The following FMNL3 variants were observed in gnomAD, a reference collection of about 807,000 sequenced individuals.
FMNL3 encodes the protein formin-like protein 3.
Under a neutral mutation model 119.6 loss-of-function variants are expected in FMNL3, and 57 were observed. That is an observed-to-expected ratio of 0.48 (90% CI 0.39 to 0.59). The LOEUF (loss-of-function observed/expected upper bound fraction) is 0.59, where lower values mean the gene tolerates loss of function less well. FMNL3 is among the 20% of genes least tolerant of loss of function. The pLI, the probability that FMNL3 is intolerant of heterozygous loss-of-function variation, is 0.00. For synonymous variants in FMNL3, 491 were observed against 507.3 expected (o/e 0.97, Z 0.43); for missense variants, 1,053 against 1,323.5 (o/e 0.80, Z 3.17).
chr12:49,647,505 C>T lies in FMNL3; in HGVS notation c.2779-137G>A, dbSNP rs750102490. The T allele has an allele frequency of 1.6e-4, 163 of 1,039,448 alleles. No individual in the cohort carries two copies. The highest frequency in any genetic ancestry group is 2.1e-4 in the Non-Finnish European group (148 of 689,124). The allele number at this position is 1,039,448 out of a possible 1,614,324, so 64.4% of individuals were successfully genotyped here. A position where few individuals can be genotyped will look rare whatever the true frequency, so the allele number is the denominator to read the frequency against. On this transcript the variant is annotated intron_variant, in intron 23 of 25. Transcript: ENST00000335154. This position sits in a 1 kb window ranked among gnomAD's most constrained non-coding sequence, Gnocchi z 4.9. ...CCACCCTCTGGAGGGGCACTTCCTG[C>T]CCCAAACAATGACAGGAAGGTCCTG... is the stretch of plus-strand genomic sequence containing the variant.
At position 49,643,694 on chromosome 12, in the gene FMNL3, A is replaced by G. The variant is rs1484469388; in HGVS notation, c.*2121T>C. 8.1e-6 allele frequency: 13 copies of G among 1,613,938 alleles called. No homozygotes were observed. In the African/African-American group the frequency reaches 1.5e-4, roughly 18 times the overall value. On this transcript the variant is annotated 3_prime_UTR_variant, in exon 26 of 26. Coordinates refer to ENST00000335154, the MANE Select transcript of FMNL3 (RefSeq NM_175736.5). ...GTAGGGATTTTTCTATCTCTAGATCATGGCCTTCGGAAAGCCAAGAAACCA... is the reference window on the plus strand; with the variant it reads ...GTAGGGATTTTTCTATCTCTAGATCGTGGCCTTCGGAAAGCCAAGAAACCA...
At chr12:49,679,519 C>CTTTTTTTTT (rs551320921) in intron 1 of FMNL3, among the ~76,000 whole-genome samples, 56 of 90,640 alleles carry the variant, frequency 6.2e-4, no homozygotes, top group Non-Finnish European at 9.1e-4. Flanking sequence ...GCATTTGTGT[C>CTTTTTTTTT]TTTTTTTTTT....
Position 49,643,959 on chromosome 12 carries a change from A to G in FMNL3, c.*1856T>C. On this transcript the variant is annotated 3_prime_UTR_variant, in exon 26 of 26. Transcript: ENST00000335154. ...ACAAGGACAGGGAGCTCCAACAGGC[A>G]GAGCTCCCTAACCGTTCCCCAGGCT... The G allele has an allele frequency of 6.2e-7, 1 of 1,614,226 alleles. No individual in the cohort carries two copies. The highest frequency in any genetic ancestry group is 8.5e-7 in the Non-Finnish European group (1 of 1,180,036).
intron 25 of FMNL3, 115 bp downstream of exon 25, chr12:49,646,771 G>C (rs778447034): frequency 1.9e-6 from 3 of 1,603,920 alleles, no homozygotes; most frequent in Non-Finnish European, 2.6e-6. Context: ...CCAGGAGAGA[G>C]ACACAGTGGT....
intron 1 of FMNL3, among the ~76,000 whole-genome samples, chr12:49,692,257 T>C (rs376005496): frequency 2.0e-5 from 3 of 151,652 alleles, no homozygotes; most frequent in Non-Finnish European, 2.9e-5. Context: ...GGAGGACTGA[T>C]TGAGCCTGAG....
Position 49,636,720 on chromosome 12 carries a change from G to A in FMNL3, c.*9095C>T. The A allele has an allele frequency of 6.2e-7, 1 of 1,614,188 alleles. No individual in the cohort carries two copies. Among genetic ancestry groups the A allele is most frequent in the Non-Finnish European group, 8.5e-7 (1 of 1,180,020 alleles). ...GAACCTCCTGCCTGTCTTTAGACAT[G>A]GACAAGGAAGATGCACTGATCTGTT... On this transcript the variant is annotated 3_prime_UTR_variant, in exon 26 of 26. Coordinates refer to ENST00000335154, the MANE Select transcript of FMNL3 (RefSeq NM_175736.5).
intron 1 of FMNL3, among the ~76,000 whole-genome samples, chr12:49,683,796 G>A (rs983107392): frequency 6.6e-6 from 1 of 152,112 alleles, no homozygotes; most frequent in African/African-American, 2.4e-5. Flanking sequence ...TGCCTCCCAC[G>A]AGTCTCTGCC....
Position 49,636,758 on chromosome 12 carries a change from T to A in FMNL3, c.*9057A>T, listed in dbSNP as rs757263724. On this transcript the variant is annotated 3_prime_UTR_variant, in exon 26 of 26. Coordinates refer to ENST00000335154, the MANE Select transcript of FMNL3 (RefSeq NM_175736.5). ...GCACTGATCTGTTTTGAGGAGCACA[T>A]CCGAGCTTTGGAGAGGGAAGAGGAG... 6.2e-7 allele frequency: 1 copy of A among 1,614,162 alleles called. No individual in the cohort carries two copies. The highest frequency in any genetic ancestry group is 8.5e-7 in the Non-Finnish European group (1 of 1,180,014).
intron 1 of FMNL3, among the ~76,000 whole-genome samples, chr12:49,677,272 A>G (rs1944215760): frequency 6.6e-6 from 1 of 152,170 alleles, no homozygotes; most frequent in African/African-American, 2.4e-5. Flanking sequence ...CTTTTCTTGG[A>G]CAATCAATAT....
At chr12:49,672,211 A>G (rs1944064258) in intron 1 of FMNL3, among the ~76,000 whole-genome samples, 1 of 152,026 alleles carries the variant, frequency 6.6e-6, no homozygotes, top group Non-Finnish European at 1.5e-5. Context: ...CTGACTACAG[A>G]GCAATCCATT....
intron 1 of FMNL3, 94 bp from the exon 2 acceptor site, chr12:49,668,648 T>G: frequency 9.3e-7 from 1 of 1,080,060 alleles, no homozygotes; most frequent in Non-Finnish European, 1.4e-6. Flanking sequence ...TACTGGGCCC[T>G]CAGACTTCAC....
In FMNL3 at chr12:49,666,209, T is replaced by C; in HGVS notation, c.211-2A>G. On this transcript the variant is annotated splice_acceptor_variant, in intron 2 of 25. Transcript: ENST00000335154. LOFTEE classifies it high-confidence loss of function. ...AGGATTCTTCACCTGGAATCGTTCC[T>C]GTAAGGGAAACATGCATATGCGTAT... The C allele has an allele frequency of 6.2e-7, 1 of 1,613,254 alleles. No individual in the cohort carries two copies. The highest frequency in any genetic ancestry group is 8.5e-7 in the Non-Finnish European group (1 of 1,179,616).
In FMNL3 at chr12:49,647,216, C is replaced by T; in HGVS notation, c.2871+60G>A. The T allele has an allele frequency of 6.3e-7, 1 of 1,599,574 alleles. No individual in the cohort carries two copies. The highest frequency in any genetic ancestry group is 8.6e-7 in the Non-Finnish European group (1 of 1,167,582). ...TTTTCATCTCCTCTAGCCTTCTGAC[C>T]CCCAGCCCCCACTCTTTTGCCTTGT... On this transcript the variant is annotated intron_variant, in intron 24 of 25. Coordinates refer to ENST00000335154, the MANE Select transcript of FMNL3 (RefSeq NM_175736.5). This position sits in a 1 kb window ranked among gnomAD's most constrained non-coding sequence, Gnocchi z 4.9.
intron 11 of FMNL3, 72 bp from the exon 12 acceptor site, chr12:49,653,946 C>CT (rs1483296809): frequency 2.6e-6 from 4 of 1,560,430 alleles, no homozygotes; most frequent in Non-Finnish European, 3.5e-6. Flanking sequence ...CTGAGAAAGT[C>CT]TTAGTCCTCA....
At chr12:49,686,757 G>A (rs1944474200) in intron 1 of FMNL3, among the ~76,000 whole-genome samples, 1 of 152,058 alleles carries the variant, frequency 6.6e-6, no homozygotes, top group Admixed American at 6.6e-5. Context: ...GAAATCTTGA[G>A]AGAATCAGAC....
intron 10 of FMNL3, 41 bp downstream of exon 10, chr12:49,654,869 G>C (rs747585830): frequency 1.3e-6 from 2 of 1,589,326 alleles, no homozygotes; most frequent in African/African-American, 1.3e-5. Flanking sequence ...CACACACACA[G>C]CCCTGGTGGG....
chr12:49,641,808 G>C lies in FMNL3; in HGVS notation c.*4007C>G. On this transcript the variant is annotated 3_prime_UTR_variant, in exon 26 of 26. Coordinates refer to ENST00000335154, the MANE Select transcript of FMNL3 (RefSeq NM_175736.5). Reference sequence around the variant, plus strand: ...CACAGTCCTGTGGATCTCTTCCAGAGGCAAGGGCCTTCTTGACCATCTGTA... The same window carrying C: ...CACAGTCCTGTGGATCTCTTCCAGACGCAAGGGCCTTCTTGACCATCTGTA... 2 of 951,942 alleles carry C rather than the reference G, an allele frequency of 2.1e-6. No individual in the cohort carries two copies. The highest frequency in any genetic ancestry group is 3.3e-6 in the Non-Finnish European group (2 of 602,930). The allele number at this position is 951,942 out of a possible 1,614,324, so 59.0% of individuals were successfully genotyped here.
Position 49,647,917 on chromosome 12 carries a change from C to T in FMNL3, c.2677-113G>A, listed in dbSNP as rs1228536545. 6.6e-6 allele frequency: 6 copies of T among 910,840 alleles called. No individual in the cohort carries two copies. The highest frequency in any genetic ancestry group is 2.7e-4 in the Middle Eastern group (1 of 3,732). 56.4% of individuals were successfully genotyped at this position (910,840 alleles called of 1,614,324 possible). A position where few individuals can be genotyped will look rare whatever the true frequency, so the allele number is the denominator to read the frequency against. The stretch of plus-strand genomic sequence containing the variant: ...AGCCCAGGGCCAAAGGGAGGAAAAC[C>T]AAGCACCCAGGCCCCTGTGAGCTGG... On this transcript the variant is annotated intron_variant, in intron 22 of 25. Transcript: ENST00000335154. The surrounding 1 kb of genome is among the most constrained non-coding windows in gnomAD (Gnocchi z 4.9).
chr12:49,705,416 T>C (rs1166010048), intron 1 of FMNL3, among the ~76,000 whole-genome samples: 5 of 152,096 alleles, frequency 3.3e-5, no homozygotes, highest in Admixed American at 1.3e-4. Context: ...ACATGATGGA[T>C]TCTGGTTCTG....
Sources: gnomAD v4.1 joint callset for allele counts (sites outside exome capture counted in the v4.1 genomes callset) on GRCh38, gnomAD v4.1.1 for gene constraint, Gnocchi (gnomAD v3.1) non-coding constraint, MANE v1.5 for transcripts, NCBI Gene and HGNC (gene_info 2026-07-23, HGNC 2026-07-21) for gene names.